The following KCNT2 variants were observed in gnomAD, a reference collection of about 807,000 sequenced individuals.
KCNT2 encodes potassium channel subfamily T member 2.
KCNT2 carries 67 observed loss-of-function variants against 153.8 expected under a neutral mutation model. That is an observed-to-expected ratio of 0.44 (90% CI 0.36 to 0.53). KCNT2 has a LOEUF of 0.53. KCNT2 is among the 20% of genes least tolerant of loss of function. The pLI is 0.00. For synonymous variants in KCNT2, 500 were observed against 458.8 expected (o/e 1.09, Z -1.15); for missense variants, 975 against 1,354.8 (o/e 0.72, Z 4.40).
At chr1:196,232,271 A>G (rs189595905) in intron 27 of KCNT2, among the ~76,000 whole-genome samples, 3 of 151,858 alleles carry the variant, frequency 2.0e-5, no homozygotes, top group Non-Finnish European at 1.5e-5. Context: ...CTAGTGATTT[A>G]TTATTGTTCG....
intron 26 of KCNT2, among the ~76,000 whole-genome samples, chr1:196,252,330 C>T (rs1228050841): frequency 6.6e-6 from 1 of 151,634 alleles, no homozygotes; most frequent in Admixed American, 6.6e-5. Context: ...CTACTAAATT[C>T]TTACATTGTA....
chr1:196,383,576 T>C (rs1189098353), intron 13 of KCNT2, among the ~76,000 whole-genome samples: 1 of 152,160 alleles, frequency 6.6e-6, no homozygotes, highest in East Asian at 1.9e-4. Context: ...GGAAAGAAGA[T>C]TGAATTTGGA....
At chr1:196,537,011 T>A (rs6679424) in intron 1 of KCNT2, among the ~76,000 whole-genome samples, 1 of 152,162 alleles carries the variant, frequency 6.6e-6, no homozygotes, top group Non-Finnish European at 1.5e-5. Flanking sequence ...TATTCCCAGG[T>A]GCTCCATGCA....
chr1:196,573,298 T>TTG (rs922901570), intron 1 of KCNT2, among the ~76,000 whole-genome samples: 22 of 151,812 alleles, frequency 1.4e-4, no homozygotes, highest in Non-Finnish European at 1.9e-4. Context: ...ATAAAGATAT[T>TTG]TGTGTGTGTG....
intron 13 of KCNT2, among the ~76,000 whole-genome samples, chr1:196,391,870 A>G (rs1382187662): frequency 4.0e-5 from 6 of 151,500 alleles, no homozygotes; most frequent in African/African-American, 1.4e-4. Context: ...TTGCATAAAA[A>G]TTTTTACAAA....
chr1:196,373,898 A>G (rs539891633), intron 13 of KCNT2, among the ~76,000 whole-genome samples: 2 of 151,994 alleles, frequency 1.3e-5, no homozygotes, highest in East Asian at 3.9e-4. Context: ...AGAAAACATA[A>G]TAAATGGCTG....
At chr1:196,282,819 C>A (rs1398959553) in intron 23 of KCNT2, among the ~76,000 whole-genome samples, 1 of 152,074 alleles carries the variant, frequency 6.6e-6, no homozygotes, top group Non-Finnish European at 1.5e-5. Flanking sequence ...TTCCACAACA[C>A]TTCATGATAA....
At chr1:196,441,892 G>T (rs955241230) in intron 8 of KCNT2, among the ~76,000 whole-genome samples, 1 of 151,774 alleles carries the variant, frequency 6.6e-6, no homozygotes, top group African/African-American at 2.4e-5. Context: ...TGTGCTTAAT[G>T]TAAAATGTAT....
At chr1:196,417,792 A>G (rs1672872899) in intron 12 of KCNT2, among the ~76,000 whole-genome samples, 1 of 152,090 alleles carries the variant, frequency 6.6e-6, no homozygotes, top group South Asian at 2.1e-4. Flanking sequence ...CCTAGTATGT[A>G]CTAGGCTATA....
chr1:196,357,844 T>C (rs1007907747), intron 14 of KCNT2, among the ~76,000 whole-genome samples: 2 of 151,914 alleles, frequency 1.3e-5, no homozygotes, highest in Non-Finnish European at 2.9e-5. Flanking sequence ...TATTTCTCTT[T>C]ATACTTAAAA....
intron 25 of KCNT2, among the ~76,000 whole-genome samples, chr1:196,266,161 C>T (rs1013951446): frequency 6.6e-6 from 1 of 152,112 alleles, no homozygotes; most frequent in African/African-American, 2.4e-5. Context: ...GGTAAGTTTG[C>T]TGAATGGTGT....
chr1:196,351,669 C>T (rs1052248272), intron 14 of KCNT2, among the ~76,000 whole-genome samples: 1 of 151,990 alleles, frequency 6.6e-6, no homozygotes, highest in African/African-American at 2.4e-5. Context: ...ATTTGACTTC[C>T]TCTTTTCCTA....
chr1:196,229,368 T>C (rs1313156406), intron 27 of KCNT2, among the ~76,000 whole-genome samples: 3 of 152,074 alleles, frequency 2.0e-5, no homozygotes, highest in African/African-American at 7.2e-5. Context: ...CGCACCCATA[T>C]AAGAAGGCAA....
chr1:196,340,891 T>A (rs1665559065), intron 15 of KCNT2, among the ~76,000 whole-genome samples: 1 of 151,926 alleles, frequency 6.6e-6, no homozygotes, highest in African/African-American at 2.4e-5. Flanking sequence ...AAACAGCATA[T>A]CTTACTTTGG....
At chr1:196,441,873 A>C (rs1010197507) in intron 8 of KCNT2, among the ~76,000 whole-genome samples, 17 of 151,842 alleles carry the variant, frequency 1.1e-4, no homozygotes, top group African/African-American at 3.9e-4. Context: ...TTTATTAAGA[A>C]ATACATACTG....
intron 26 of KCNT2, among the ~76,000 whole-genome samples, chr1:196,253,655 A>G (rs1486475445): frequency 6.6e-6 from 1 of 151,514 alleles, no homozygotes; most frequent in Non-Finnish European, 1.5e-5. Context: ...AGTCTGCACA[A>G]TATTGTTTCA....
chr1:196,394,915 A>AT (rs1255475944), intron 13 of KCNT2, among the ~76,000 whole-genome samples: 1 of 151,026 alleles, frequency 6.6e-6, no homozygotes, highest in South Asian at 2.1e-4. Flanking sequence ...ATTAAATATA[A>AT]TTTTTTCTTG....
intron 12 of KCNT2, among the ~76,000 whole-genome samples, chr1:196,415,814 T>C (rs1401598823): frequency 3.3e-5 from 5 of 151,912 alleles, no homozygotes; most frequent in African/African-American, 9.7e-5. Flanking sequence ...TTACCAGGAC[T>C]CAATGACACT....
intron 8 of KCNT2, among the ~76,000 whole-genome samples, chr1:196,449,987 T>C (rs772723410): frequency 1.3e-5 from 2 of 151,802 alleles, no homozygotes. Context: ...TAGACAACCA[T>C]CTGGGTAGGA....
Sources: gnomAD v4.1 joint callset for allele counts (sites outside exome capture counted in the v4.1 genomes callset) on GRCh38, gnomAD v4.1.1 for gene constraint, MANE v1.5 for transcripts, NCBI Gene and HGNC (gene_info 2026-07-23, HGNC 2026-07-21) for gene names.